TNFSF4: variants seen among roughly 807,000 people sequenced by gnomAD.
TNFSF4 encodes TNF superfamily member 4, also known as tumor necrosis factor ligand superfamily member 4.
Under a neutral mutation model 7.3 loss-of-function variants are expected in TNFSF4, and 4 were observed. The ratio of observed to expected loss-of-function variants is 0.55; its 90% CI spans 0.27 to 1.25. TNFSF4 has a LOEUF of 1.25. Ranked by LOEUF, TNFSF4 falls within the 50% of genes most tolerant of loss-of-function variation. The pLI is 0.12. For missense variants in TNFSF4, 181 were observed against 208.8 expected (o/e 0.87, Z 0.82); for synonymous variants, 76 against 83.7 (o/e 0.91, Z 0.50).
At chr1:173,176,394 G>A in the TNFSF4 span, among the ~76,000 whole-genome samples, 1 of 152,190 alleles carries the variant, frequency 6.6e-6, no homozygotes, top group African/African-American at 2.4e-5. Flanking sequence ...AAAAAATATG[G>A]ACTCTGAAAT....
intron 1 of TNFSF4, chr1:173,205,611 C>T (rs544121145): frequency 8.8e-7 from 1 of 1,130,548 alleles, no homozygotes; most frequent in Admixed American, 4.6e-5. Flanking sequence ...AGAAAAAGCA[C>T]TCTCAGGGCT....
At chr1:173,315,478 A>C in the TNFSF4 span, among the ~76,000 whole-genome samples, 28 of 152,168 alleles carry the variant, frequency 1.8e-4, no homozygotes, top group Non-Finnish European at 2.8e-4. Context: ...TGTTAACCAC[A>C]GCCTGCTACT....
chr1:173,375,506 T>G, the TNFSF4 span, among the ~76,000 whole-genome samples: 1 of 152,150 alleles, frequency 6.6e-6, no homozygotes, highest in Non-Finnish European at 1.5e-5. Flanking sequence ...GTAAAATGCA[T>G]CAATCAGCAC....
At chr1:173,188,600 A>G in intron 1 of TNFSF4, 31 bp from the exon 2 acceptor site, 1 of 1,578,016 alleles carries the variant, frequency 6.3e-7, no homozygotes, top group Non-Finnish European at 8.7e-7. Flanking sequence ...TATTCTTAGG[A>G]AAAAAACATG....
At chr1:173,255,869 G>A in the TNFSF4 span, among the ~76,000 whole-genome samples, 1 of 152,198 alleles carries the variant, frequency 6.6e-6, no homozygotes, top group East Asian at 1.9e-4. Context: ...GAGGATTGGT[G>A]TAGGTCAGGA....
the TNFSF4 span, among the ~76,000 whole-genome samples, chr1:173,292,673 G>A: frequency 5.3e-5 from 8 of 151,446 alleles, no homozygotes; most frequent in Admixed American, 5.3e-4. Context: ...AGAAATAAAA[G>A]GCATCCAAAC....
chr1:173,187,186 G>T (rs562822730), intron 2 of TNFSF4, among the ~76,000 whole-genome samples: 1 of 152,316 alleles, frequency 6.6e-6, no homozygotes, highest in South Asian at 2.1e-4. Flanking sequence ...CTCAGATGGG[G>T]CTGAGATTCA....
At chr1:173,227,622 C>A in the TNFSF4 span, among the ~76,000 whole-genome samples, 7 of 152,332 alleles carry the variant, frequency 4.6e-5, no homozygotes, top group Middle Eastern at 3.4e-3. Context: ...CAAACGTGAG[C>A]CAAAGCAGGG....
At chr1:173,284,891 G>A in the TNFSF4 span, among the ~76,000 whole-genome samples, 1 of 152,120 alleles carries the variant, frequency 6.6e-6, no homozygotes, top group African/African-American at 2.4e-5. Context: ...GAAGACAAAT[G>A]TTGTTTTCAT....
intron 1 of TNFSF4, among the ~76,000 whole-genome samples, chr1:173,194,329 C>T (rs1358261363): frequency 6.6e-6 from 1 of 152,218 alleles, no homozygotes; most frequent in Middle Eastern, 3.2e-3. Context: ...GGAGATAGAA[C>T]ATACAATCCT....
the TNFSF4 span, among the ~76,000 whole-genome samples, chr1:173,382,839 A>G: frequency 4.6e-5 from 7 of 151,404 alleles, no homozygotes; most frequent in East Asian, 1.4e-3. Flanking sequence ...AGGCCTTAAT[A>G]TGGGTGGGGC....
At chr1:173,372,423 C>T in the TNFSF4 span, among the ~76,000 whole-genome samples, 1 of 152,152 alleles carries the variant, frequency 6.6e-6, no homozygotes, top group Non-Finnish European at 1.5e-5. Context: ...CTTAAGCCTT[C>T]CCACAGGACA....
the TNFSF4 span, among the ~76,000 whole-genome samples, chr1:173,346,229 A>G: frequency 6.6e-6 from 1 of 152,176 alleles, no homozygotes; most frequent in Non-Finnish European, 1.5e-5. Flanking sequence ...TTGCTTGAAC[A>G]TCATCAGAAA....
the TNFSF4 span, among the ~76,000 whole-genome samples, chr1:173,324,313 TG>T: frequency 6.6e-6 from 1 of 152,148 alleles, no homozygotes; most frequent in African/African-American, 2.4e-5. Context: ...AAGCAAATGC[TG>T]AGAGATTTTG....
At chr1:173,446,065 G>C in the TNFSF4 span, among the ~76,000 whole-genome samples, 1 of 151,910 alleles carries the variant, frequency 6.6e-6, no homozygotes, top group African/African-American at 2.4e-5. Context: ...AAATCACTCA[G>C]CGTACAAAGA....
the TNFSF4 span, among the ~76,000 whole-genome samples, chr1:173,250,403 A>C: frequency 6.6e-6 from 1 of 152,150 alleles, no homozygotes; most frequent in South Asian, 2.1e-4. Flanking sequence ...ATATGTACAA[A>C]GCTACCAGCC....
the TNFSF4 span, chr1:173,362,605 G>C: frequency 2.0e-6 from 1 of 502,284 alleles, no homozygotes; most frequent in South Asian, 1.6e-5. Flanking sequence ...CAACTCCTGG[G>C]TAAGTTTTGC....
At chr1:173,304,652 C>T in the TNFSF4 span, among the ~76,000 whole-genome samples, 1 of 151,916 alleles carries the variant, frequency 6.6e-6, no homozygotes, top group Admixed American at 6.6e-5. Flanking sequence ...TCCAAGATGG[C>T]TTAATTACAT....
At chr1:173,233,362 C>G in the TNFSF4 span, among the ~76,000 whole-genome samples, 1 of 152,182 alleles carries the variant, frequency 6.6e-6, no homozygotes, top group African/African-American at 2.4e-5. Context: ...ATTGGTGTAC[C>G]TGAAAGTGAC....
Sources: allele counts gnomAD v4.1 joint callset (sites outside exome capture counted in the v4.1 genomes callset), GRCh38; gene constraint gnomAD v4.1.1; transcripts MANE v1.5; gene names NCBI Gene and HGNC (gene_info 2026-07-23, HGNC 2026-07-21).